The following RBFOX1 variants were observed in gnomAD, a reference collection of about 807,000 sequenced individuals.
RBFOX1 encodes RNA binding fox-1 homolog 1.
In RBFOX1, 8 loss-of-function variants were observed where a neutral mutation model predicts 57.7. The ratio of observed to expected loss-of-function variants is 0.14; its 90% confidence interval spans 0.08 to 0.25. The LOEUF (loss-of-function observed/expected upper bound fraction) is 0.25, where lower values mean the gene tolerates loss of function less well. RBFOX1 is among the 10% of genes least tolerant of loss of function. The probability of loss-of-function intolerance (pLI) is 1.00; values close to 1 mark genes in which losing one functional copy is unlikely to be tolerated. For missense variants in RBFOX1, 611 were observed against 548.5 expected, an observed-to-expected ratio of 1.11 and a Z score of -1.14; for synonymous variants, 326 against 222.4, an observed-to-expected ratio of 1.47 and a Z score of -4.15.
At chr16:5,678,660 G>C (rs145898340) in intron 3 of RBFOX1, among the ~76,000 whole-genome samples, 1 of 152,300 alleles carries the variant, frequency 6.6e-6, no homozygotes, top group African/African-American at 2.4e-5. Context: ...GAGAACCTCA[G>C]CTGAGGTCTC....
At chr16:6,953,419 C>T (rs368798488) in intron 3 of RBFOX1, among the ~76,000 whole-genome samples, 1 of 151,818 alleles carries the variant, frequency 6.6e-6, no homozygotes, top group African/African-American at 2.4e-5. Flanking sequence ...TAGAGTCTTG[C>T]TTTGTCGCCA....
intron 1 of RBFOX1, among the ~76,000 whole-genome samples, chr16:5,368,666 A>G (rs1016720611): frequency 1.3e-5 from 2 of 152,208 alleles, no homozygotes; most frequent in South Asian, 2.1e-4. Flanking sequence ...CTCAAAGGCC[A>G]TCCTTTAAAA....
At chr16:6,837,420 A>T (rs2093178769) in intron 3 of RBFOX1, among the ~76,000 whole-genome samples, 2 of 152,224 alleles carry the variant, frequency 1.3e-5, no homozygotes, top group African/African-American at 4.8e-5. Context: ...GCTAGAGCTG[A>T]TCACCCAGCC....
chr16:7,454,859 A>C (rs2058172533), intron 4 of RBFOX1, among the ~76,000 whole-genome samples: 1 of 152,226 alleles, frequency 6.6e-6, no homozygotes, highest in African/African-American at 2.4e-5. Flanking sequence ...GGCGAGTTAC[A>C]TCAGGTACCA....
chr16:7,042,303 T>C (rs893150339), intron 3 of RBFOX1, among the ~76,000 whole-genome samples: 1 of 152,168 alleles, frequency 6.6e-6, no homozygotes, highest in Non-Finnish European at 1.5e-5. Context: ...ACAGTGTAGG[T>C]ATCCATGGTT....
intron 3 of RBFOX1, among the ~76,000 whole-genome samples, chr16:7,023,141 C>T (rs140517229): frequency 6.6e-6 from 1 of 152,030 alleles, no homozygotes; most frequent in African/African-American, 2.4e-5. Flanking sequence ...GAAAATAAAA[C>T]ACATAGTGGG....
intron 3 of RBFOX1, among the ~76,000 whole-genome samples, chr16:5,849,548 T>C (rs1032203753): frequency 6.6e-6 from 1 of 152,112 alleles, no homozygotes; most frequent in Non-Finnish European, 1.5e-5. Context: ...GCCCCTCTGA[T>C]TTCCATCCCA....
At chr16:5,368,341 C>T (rs984165972) in intron 1 of RBFOX1, among the ~76,000 whole-genome samples, 1 of 152,174 alleles carries the variant, frequency 6.6e-6, no homozygotes, top group African/African-American at 2.4e-5. Flanking sequence ...TCCTGGGCTA[C>T]TGCAATATTA....
intron 4 of RBFOX1, among the ~76,000 whole-genome samples, chr16:7,310,421 G>T (rs2096281906): frequency 2.0e-5 from 3 of 152,202 alleles, no homozygotes. Flanking sequence ...ACCAGGGTTG[G>T]TGGGGAGGAG....
intron 4 of RBFOX1, among the ~76,000 whole-genome samples, chr16:7,329,123 G>C (rs989628386): frequency 2.6e-5 from 4 of 152,212 alleles, no homozygotes; most frequent in African/African-American, 9.6e-5. Context: ...TTGCAGCAGA[G>C]ATTGTAAGTT....
At chr16:7,169,181 C>T (rs975819563) in intron 4 of RBFOX1, among the ~76,000 whole-genome samples, 2 of 152,118 alleles carry the variant, frequency 1.3e-5, no homozygotes, top group African/African-American at 4.8e-5. Context: ...TATTCATGGC[C>T]ATAGTTTCCT....
At chr16:5,567,202 C>T (rs2046103875) in intron 2 of RBFOX1, among the ~76,000 whole-genome samples, 1 of 152,092 alleles carries the variant, frequency 6.6e-6, no homozygotes, top group Non-Finnish European at 1.5e-5. Flanking sequence ...AGCTGTATCC[C>T]ACAGCCCATG....
At chr16:7,206,438 T>C (rs958356671) in intron 4 of RBFOX1, among the ~76,000 whole-genome samples, 2 of 118,460 alleles carry the variant, frequency 1.7e-5, no homozygotes, top group African/African-American at 3.5e-5. Context: ...CATATATGTA[T>C]TATATTTCCT....
intron 3 of RBFOX1, among the ~76,000 whole-genome samples, chr16:6,924,054 C>G (rs1306165312): frequency 1.3e-5 from 2 of 151,810 alleles, no homozygotes; most frequent in Admixed American, 6.6e-5. Context: ...CCTGTAGTCC[C>G]AGCTTCTCGG....
At chr16:7,243,357 G>A (rs1274963821) in intron 4 of RBFOX1, among the ~76,000 whole-genome samples, 1 of 152,146 alleles carries the variant, frequency 6.6e-6, no homozygotes, top group East Asian at 1.9e-4. Flanking sequence ...TTTTATGTAT[G>A]AGATGAAGAG....
At chr16:6,650,487 T>C (rs745865448) in intron 2 of RBFOX1, among the ~76,000 whole-genome samples, 2 of 152,172 alleles carry the variant, frequency 1.3e-5, no homozygotes, top group East Asian at 1.9e-4. Context: ...AGTTACCTAA[T>C]GGCTAATCAC....
At chr16:5,685,596 G>T (rs939560401) in intron 3 of RBFOX1, among the ~76,000 whole-genome samples, 2 of 152,176 alleles carry the variant, frequency 1.3e-5, no homozygotes, top group African/African-American at 4.8e-5. Context: ...AAATTAAATT[G>T]AACTTTGTAG....
Position 6,913,485 on chromosome 16 carries a change from C to A in RBFOX1, c.-15-138572C>A, listed in dbSNP as rs566984192. On this transcript the variant is annotated intron_variant, in intron 3 of 15. Coordinates refer to ENST00000550418, the MANE Select transcript of RBFOX1 (RefSeq NM_018723.4). Reference sequence around the variant, plus strand: ...ATGTTGCCATCGGCCTTCTTCACACCCCCACAACCCTCGGCCCCATCATCT... The same window carrying A: ...ATGTTGCCATCGGCCTTCTTCACACACCCACAACCCTCGGCCCCATCATCT... Among the ~76,000 whole-genome samples, 76 of 152,212 alleles carry A rather than the reference C, an allele frequency of 5.0e-4. 2 individuals are homozygous for A. The South Asian group carries it at 0.015, about 31-fold the overall frequency.
At chr16:7,081,777 T>A (rs565119406) in intron 4 of RBFOX1, among the ~76,000 whole-genome samples, 1 of 152,192 alleles carries the variant, frequency 6.6e-6, no homozygotes, top group East Asian at 1.9e-4. Flanking sequence ...ACATGGATGA[T>A]TTGAACACCT....
Sources: allele counts gnomAD v4.1 joint callset (sites outside exome capture counted in the v4.1 genomes callset), GRCh38; gene constraint gnomAD v4.1.1; transcripts MANE v1.5; gene names NCBI Gene and HGNC (gene_info 2026-07-23, HGNC 2026-07-21).